NPLOC4: variants seen among roughly 807,000 people sequenced by gnomAD.
NPLOC4 encodes the protein nuclear protein localization protein 4 homolog.
Under a neutral mutation model 80.6 loss-of-function variants are expected in NPLOC4, and 18 were observed. The ratio of observed to expected loss-of-function variants is 0.22; its 90% confidence interval spans 0.15 to 0.33. NPLOC4 has a LOEUF of 0.33. Ranked by LOEUF, NPLOC4 falls within the 10% of genes least tolerant of loss-of-function variation. NPLOC4 has a pLI of 1.00. For synonymous variants in NPLOC4, 313 were observed against 301.5 expected (o/e 1.04, Z -0.39); for missense variants, 540 against 786.1 (o/e 0.69, Z 3.74).
At position 81,596,195 on chromosome 17, in the gene NPLOC4, G is replaced by C; in HGVS notation, c.1041C>G (p.Phe347Leu). 12 of 1,613,970 alleles carry C rather than the reference G, an allele frequency of 7.4e-6. No homozygotes were observed. The highest frequency in any genetic ancestry group is 1.0e-5 in the Non-Finnish European group (12 of 1,179,868). ...GGCACATGTTGGGATGCTTGTTCTG[G>C]AAGTCTCCTGCAGTGATGCACTCTT... ...SSEECITAGD[F>L]QNKHPNMCRL... The change falls in exon 11 of 17, where the codon TTC becomes TTG. Residue 347 changes from phenylalanine (F) to leucine (L), a missense_variant. This residue lies in a region of NPLOC4 where 251 missense variants were observed against 377.5 expected (regional missense o/e 0.66). Transcript: ENST00000331134.
intron 3 of NPLOC4, among the ~76,000 whole-genome samples, chr17:81,620,907 C>T (rs2035645720): frequency 1.3e-5 from 2 of 151,912 alleles, no homozygotes; most frequent in South Asian, 2.1e-4. Flanking sequence ...CCTGTAGTCC[C>T]AGCTACTCGG....
intron 1 of NPLOC4, 126 bp from the exon 2 acceptor site, chr17:81,629,931 C>T (rs2035887284): frequency 1.5e-6 from 1 of 677,668 alleles, no homozygotes; most frequent in East Asian, 2.6e-5. Flanking sequence ...TCACTCTTCA[C>T]CTTTCAATAC....
intron 5 of NPLOC4, among the ~76,000 whole-genome samples, chr17:81,609,627 T>C (rs975763585): frequency 6.6e-5 from 10 of 152,222 alleles, no homozygotes; most frequent in Non-Finnish European, 8.8e-5. Context: ...TTTCTTTGTG[T>C]GCCAGTTATC....
chr17:81,598,043 C>T (rs952120030), intron 9 of NPLOC4, among the ~76,000 whole-genome samples: 1 of 146,270 alleles, frequency 6.8e-6, no homozygotes, highest in South Asian at 2.1e-4. Context: ...TGCAGTGAGC[C>T]GAGATTGCGT....
intron 14 of NPLOC4, chr17:81,568,208 G>A (rs1342792454): frequency 3.9e-5 from 6 of 152,484 alleles, no homozygotes; most frequent in African/African-American, 1.2e-4. Flanking sequence ...CAGGGAGACA[G>A]GTCTGACTTT....
At chr17:81,587,630 T>TTA (rs1328834248) in intron 12 of NPLOC4, among the ~76,000 whole-genome samples, 1 of 102,162 alleles carries the variant, frequency 9.8e-6, no homozygotes, top group South Asian at 3.5e-4. Flanking sequence ...CCTGTCTCTT[T>TTA]AAAAAAAAAA....
Position 81,567,777 on chromosome 17 carries a change from T to G in NPLOC4, c.1450-244A>C, listed in dbSNP as rs981393639. The stretch of plus-strand genomic sequence containing the variant: ...GACTACCCAGATGTGCAAGGAGACA[T>G]GCTTATAAAGCTGACTCAGACTGGC... On this transcript the variant is annotated intron_variant, in intron 14 of 16. Transcript: ENST00000331134. This position sits in a 1 kb window ranked among gnomAD's most constrained non-coding sequence, Gnocchi z 4.5. Among the ~76,000 whole-genome samples the G allele has an allele frequency of 3.3e-5, 5 of 152,196 alleles. No homozygotes were observed. Among genetic ancestry groups the G allele is most frequent in the African/African-American group, 9.6e-5 (4 of 41,452 alleles).
Position 81,587,566 on chromosome 17 carries a change from C to G in NPLOC4, c.1281+1378G>C, listed in dbSNP as rs193281559. ...TCCTGACCTTGTGATCCGCCCGCCT[C>G]AGCCTCCGAAAGGGCTGGGATTACA... On this transcript the variant is annotated intron_variant, in intron 12 of 16. Coordinates refer to ENST00000331134, the MANE Select transcript of NPLOC4 (RefSeq NM_017921.4). Among the ~76,000 whole-genome samples the G allele has an allele frequency of 2.1e-3, 306 of 144,762 alleles. 5 individuals carry two copies. The highest frequency in any genetic ancestry group is 7.8e-3 in the African/African-American group (298 of 38,314). 95.0% of individuals were successfully genotyped at this position (144,762 alleles called of 152,430 possible).
At chr17:81,587,836 T>G (rs949416445) in intron 12 of NPLOC4, among the ~76,000 whole-genome samples, 6 of 148,780 alleles carry the variant, frequency 4.0e-5, no homozygotes, top group African/African-American at 1.5e-4. Context: ...GCCCGGCTTA[T>G]TTTTTGTATT....
At chr17:81,608,555 A>G (rs913452656) in intron 6 of NPLOC4, among the ~76,000 whole-genome samples, 173 bp downstream of exon 6, 1 of 152,212 alleles carries the variant, frequency 6.6e-6, no homozygotes, top group African/African-American at 2.4e-5. Context: ...TTAAAAACAT[A>G]TATGAGTACA....
chr17:81,579,903 C>T (rs900322713), intron 12 of NPLOC4, among the ~76,000 whole-genome samples: 1 of 137,472 alleles, frequency 7.3e-6, no homozygotes, highest in Non-Finnish European at 1.7e-5. Context: ...GCTCACCCCC[C>T]ATTCTCCTCT....
At position 81,572,342 on chromosome 17, in the gene NPLOC4, CCACGCCCGGCTA is replaced by C. The variant is rs2034184676; in HGVS notation, c.1282-266_1282-255del. On this transcript the variant is annotated intron_variant, in intron 12 of 16. Coordinates refer to ENST00000331134, the MANE Select transcript of NPLOC4 (RefSeq NM_017921.4). The surrounding 1 kb of genome is among the most constrained non-coding windows in gnomAD (Gnocchi z 4.5). ...TAGCTGGGACTACAGGCGCCCGCCA[CCACGCCCGGCTA>C]ATTTTTTTTGTATTTTTTAGTAGAG... is the stretch of plus-strand genomic sequence containing the variant. Among the ~76,000 whole-genome samples, 1 of 151,964 alleles carries C rather than the reference CCACGCCCGGCTA, an allele frequency of 6.6e-6. No homozygotes were observed. Among genetic ancestry groups the C allele is most frequent in the African/African-American group, 2.4e-5 (1 of 41,360 alleles).
intron 3 of NPLOC4, among the ~76,000 whole-genome samples, chr17:81,616,729 CA>C (rs71166160): frequency 0.27 from 38,877 of 142,498 alleles, 5,131 homozygotes; most frequent in Middle Eastern, 0.36. Context: ...GACTCCATCT[CA>C]AAAAAAAAAA....
rs1555679467 is a variant in NPLOC4, at chr17:81,575,108, C to CT, written c.1282-3021dup. Among the ~76,000 whole-genome samples, 43 of 151,460 alleles carry CT rather than the reference C, an allele frequency of 2.8e-4. No homozygotes were observed. The East Asian group carries it at 6.6e-3, about 23-fold the overall frequency. The stretch of plus-strand genomic sequence containing the variant: ...AGCTTTCAGACACTCGGTTACTTTT[C>CT]TTTTTTTTTGAGAGGGAGTCTCGCT... On this transcript the variant is annotated intron_variant, in intron 12 of 16. Coordinates refer to ENST00000331134, the MANE Select transcript of NPLOC4 (RefSeq NM_017921.4).
rs1256783173 is a variant in NPLOC4 at position 81,609,029 on chromosome 17, T to C, written c.436-207A>G. 4 of 466,868 alleles carry C rather than the reference T, an allele frequency of 8.6e-6. No homozygotes were observed. In the East Asian group the frequency reaches 1.4e-4, roughly 17 times the overall value. The allele number at this position is 466,868 out of a possible 1,614,324, so 28.9% of individuals were successfully genotyped here. A position where few individuals can be genotyped will look rare whatever the true frequency, so the allele number is the denominator to read the frequency against. On this transcript the variant is annotated intron_variant, in intron 5 of 16. Coordinates refer to ENST00000331134, the MANE Select transcript of NPLOC4 (RefSeq NM_017921.4). ...ATTAATTGTTTTTTGTTTGTTTGTT[T>C]TGAGACGGAGTCTCACTCTGTCGCC...
chr17:81,583,982 T>G (rs1305514514), intron 12 of NPLOC4, among the ~76,000 whole-genome samples: 1 of 152,230 alleles, frequency 6.6e-6, no homozygotes, highest in African/African-American at 2.4e-5. Flanking sequence ...AACACATACC[T>G]TTAGTAACCA....
chr17:81,622,071 G>A (rs1482312272), intron 3 of NPLOC4, 95 bp downstream of exon 3: 1 of 823,166 alleles, frequency 1.2e-6, no homozygotes, highest in Non-Finnish European at 2.1e-6. Flanking sequence ...AATGAGTGGT[G>A]TGATGAGGAA....
intron 12 of NPLOC4, among the ~76,000 whole-genome samples, chr17:81,574,876 AACACAC>A (rs71166157): frequency 6.7e-5 from 10 of 148,932 alleles, no homozygotes; most frequent in African/African-American, 1.5e-4. Context: ...CAAACAAACA[AACACAC>A]ACACACACAC....
At chr17:81,573,096 T>C (rs557378049) in intron 12 of NPLOC4, among the ~76,000 whole-genome samples, 3 of 152,260 alleles carry the variant, frequency 2.0e-5, no homozygotes, top group East Asian at 1.9e-4. Context: ...CAGAAATAAA[T>C]TCATAAGAAC....
Sources: gnomAD v4.1 joint callset for allele counts (sites outside exome capture counted in the v4.1 genomes callset) on GRCh38, gnomAD v4.1.1 for gene constraint, gnomAD v4.1.1 regional missense constraint, Gnocchi (gnomAD v3.1) non-coding constraint, MANE v1.5 for transcripts, NCBI Gene and HGNC (gene_info 2026-07-23, HGNC 2026-07-21) for gene names.